PABPC4L: variants seen among roughly 807,000 people sequenced by gnomAD.
PABPC4L encodes the protein polyadenylate-binding protein 4-like.
For synonymous variants in PABPC4L, 169 were observed against 164.1 expected (o/e 1.03, Z -0.23); for missense variants, 452 against 451.4 (o/e 1.00, Z -0.01).
At chr4:134,028,538 G>C in the PABPC4L span, among the ~76,000 whole-genome samples, 1 of 151,622 alleles carries the variant, frequency 6.6e-6, no homozygotes, top group African/African-American at 2.4e-5. Flanking sequence ...TCTTGACTAG[G>C]TCAACTTCAC....
chr4:134,024,681 A>G, the PABPC4L span, among the ~76,000 whole-genome samples: 1 of 152,124 alleles, frequency 6.6e-6, no homozygotes, highest in Non-Finnish European at 1.5e-5. Context: ...TCTGGGGGAA[A>G]CAATTCACTT....
the PABPC4L span, among the ~76,000 whole-genome samples, chr4:134,114,186 CA>C: frequency 6.6e-6 from 1 of 151,654 alleles, no homozygotes; most frequent in Non-Finnish European, 1.5e-5. Flanking sequence ...CAGACCTCCA[CA>C]AGCACAAGTT....
the PABPC4L span, among the ~76,000 whole-genome samples, chr4:134,136,102 T>C: frequency 6.6e-6 from 1 of 152,052 alleles, no homozygotes; most frequent in Non-Finnish European, 1.5e-5. Flanking sequence ...AGAGAAATAG[T>C]ATAGATTCAA....
At chr4:134,109,813 C>G in the PABPC4L span, among the ~76,000 whole-genome samples, 2 of 151,546 alleles carry the variant, frequency 1.3e-5, no homozygotes, top group African/African-American at 2.4e-5. Flanking sequence ...ATGGTCTCAG[C>G]TCACTGCAAC....
At chr4:134,188,959 T>C in the PABPC4L span, among the ~76,000 whole-genome samples, 1 of 152,034 alleles carries the variant, frequency 6.6e-6, no homozygotes. Context: ...TGTAGTCCCA[T>C]AGTTCTTGGA....
chr4:134,077,955 C>T, the PABPC4L span, among the ~76,000 whole-genome samples: 1 of 151,532 alleles, frequency 6.6e-6, no homozygotes, highest in East Asian at 1.9e-4. Flanking sequence ...ACCAACCACC[C>T]CACAAAAAAA....
the PABPC4L span, among the ~76,000 whole-genome samples, chr4:134,091,487 C>A: frequency 6.6e-6 from 1 of 151,762 alleles, no homozygotes. Flanking sequence ...ATCTCATCTG[C>A]AAACTGAAAT....
the PABPC4L span, among the ~76,000 whole-genome samples, chr4:134,186,490 T>C: frequency 6.6e-6 from 1 of 152,214 alleles, no homozygotes; most frequent in Non-Finnish European, 1.5e-5. Flanking sequence ...GCTAGCCATA[T>C]GTAGAAAGCT....
chr4:134,178,284 A>G, the PABPC4L span, among the ~76,000 whole-genome samples: 2 of 151,690 alleles, frequency 1.3e-5, no homozygotes, highest in Non-Finnish European at 2.9e-5. Context: ...CAAGACCAGG[A>G]ATGAACTAGA....
the PABPC4L span, among the ~76,000 whole-genome samples, chr4:134,133,643 C>T: frequency 1.3e-3 from 201 of 151,410 alleles, 2 homozygotes; most frequent in Non-Finnish European, 1.0e-3. Flanking sequence ...GCTATGAGGA[C>T]GCAATGGCAT....
the PABPC4L span, among the ~76,000 whole-genome samples, chr4:133,967,895 TTATGAAA>T: frequency 6.6e-6 from 1 of 152,172 alleles, no homozygotes; most frequent in Non-Finnish European, 1.5e-5. Context: ...AGGTTTAGTC[TTATGAAA>T]TATGAAAATG....
the PABPC4L span, among the ~76,000 whole-genome samples, chr4:134,129,921 C>T: frequency 4.0e-4 from 60 of 151,808 alleles, no homozygotes; most frequent in Non-Finnish European, 4.7e-4. Context: ...TACAATTAGC[C>T]AGGCGTGGTG....
At chr4:134,070,578 A>G in the PABPC4L span, among the ~76,000 whole-genome samples, 3 of 151,926 alleles carry the variant, frequency 2.0e-5, no homozygotes, top group African/African-American at 7.3e-5. Flanking sequence ...GTGTGCATGC[A>G]CTCACATGCC....
At chr4:133,966,932 G>A in the PABPC4L span, among the ~76,000 whole-genome samples, 2 of 152,098 alleles carry the variant, frequency 1.3e-5, no homozygotes, top group Non-Finnish European at 2.9e-5. Context: ...TGAAAGAAAT[G>A]TACCTTGATC....
the PABPC4L span, among the ~76,000 whole-genome samples, chr4:134,112,398 C>G: frequency 6.6e-6 from 1 of 151,744 alleles, no homozygotes; most frequent in Non-Finnish European, 1.5e-5. Context: ...CACTTCTGTA[C>G]TCCATATGTC....
chr4:134,032,886 C>T, the PABPC4L span, among the ~76,000 whole-genome samples: 6 of 151,804 alleles, frequency 4.0e-5, no homozygotes, highest in East Asian at 5.8e-4. Flanking sequence ...CCATTACTGT[C>T]GTGTACAATT....
the PABPC4L span, among the ~76,000 whole-genome samples, chr4:133,971,701 G>C: frequency 1.3e-5 from 2 of 152,122 alleles, no homozygotes; most frequent in Non-Finnish European, 2.9e-5. Flanking sequence ...CTATTCCAGA[G>C]TCACAGGGCT....
chr4:134,200,364 A>G lies in PABPC4L; in HGVS notation c.656T>C (p.Val219Ala). Residue 219 changes from valine (V) to alanine (A), a missense_variant, in exon 2 of 2, where the codon GTT becomes GCT. Coordinates refer to ENST00000421491, the MANE Select transcript of PABPC4L (RefSeq NM_001114734.2). ...VFSKYGKTLSVKVMTDSSGKS... is the reference protein window; with the variant it reads ...VFSKYGKTLSAKVMTDSSGKS... Reference sequence around the variant, plus strand: ...CCCACTGGAATCTGTCATCACCTTAACACTCAGAGTTTTGCCATATTTGCT... The same window carrying G: ...CCCACTGGAATCTGTCATCACCTTAGCACTCAGAGTTTTGCCATATTTGCT... The G allele has an allele frequency of 6.3e-7, 1 of 1,589,662 alleles. No individual in the cohort carries two copies.
chr4:133,980,923 C>T, the PABPC4L span, among the ~76,000 whole-genome samples: 12 of 152,116 alleles, frequency 7.9e-5, no homozygotes, highest in East Asian at 1.9e-4. Flanking sequence ...TTTGGGAGGC[C>T]GAAGTGGGCA....
Sources: allele counts gnomAD v4.1 joint callset (sites outside exome capture counted in the v4.1 genomes callset), GRCh38; gene constraint gnomAD v4.1.1; transcripts MANE v1.5; gene names NCBI Gene and HGNC (gene_info 2026-07-23, HGNC 2026-07-21).